MDFIC2: variants seen among roughly 807,000 people sequenced by gnomAD.
MDFIC2 encodes the protein myoD family inhibitor domain-containing protein 2.
rs554193263 is a variant in MDFIC2 at position 70,261,525 on chromosome 3, G to A, written c.88+50361C>T. ...GATTAATAATTACATTTCAATTTCC[G>A]TGGTAATGACTCACTTCCATATCAT... On this transcript the variant is annotated intron_variant, in intron 2 of 3. Coordinates refer to ENST00000567252, the MANE Select transcript of MDFIC2 (RefSeq NM_001364677.1). Among the ~76,000 whole-genome samples, 15 of 152,050 alleles carry A rather than the reference G, an allele frequency of 9.9e-5. No homozygotes were observed. The East Asian group carries it at 1.5e-3, about 16-fold the overall frequency.
intron 2 of MDFIC2, among the ~76,000 whole-genome samples, chr3:70,248,801 T>C (rs1285896089): frequency 6.6e-6 from 1 of 152,066 alleles, no homozygotes. Flanking sequence ...CAAGATAGTA[T>C]TGAGTAGGCT....
At chr3:70,257,820 C>G (rs1701830875) in intron 2 of MDFIC2, among the ~76,000 whole-genome samples, 1 of 152,096 alleles carries the variant, frequency 6.6e-6, no homozygotes, top group Admixed American at 6.5e-5. Flanking sequence ...CTAGGTAAGC[C>G]TTAACCATTT....
chr3:70,246,670 C>T (rs528751816), intron 2 of MDFIC2, among the ~76,000 whole-genome samples: 48 of 152,046 alleles, frequency 3.2e-4, no homozygotes, highest in Admixed American at 3.0e-3. Flanking sequence ...TATAGCAATA[C>T]GTGGGACACA....
intron 2 of MDFIC2, among the ~76,000 whole-genome samples, chr3:70,226,737 TAAAA>T (rs369777217): frequency 8.2e-6 from 1 of 121,420 alleles, no homozygotes; most frequent in African/African-American, 3.1e-5. Flanking sequence ...GACTCTGTCT[TAAAA>T]AAAAAAAAAA....
intron 2 of MDFIC2, among the ~76,000 whole-genome samples, chr3:70,267,246 C>A (rs1701924211): frequency 6.6e-6 from 1 of 151,984 alleles, no homozygotes; most frequent in Non-Finnish European, 1.5e-5. Context: ...GGGCAGAATG[C>A]AAAACAAGAA....
chr3:70,221,891 G>A (rs1044722652), intron 2 of MDFIC2, among the ~76,000 whole-genome samples: 18 of 152,158 alleles, frequency 1.2e-4, no homozygotes, highest in African/African-American at 4.3e-4. Context: ...ACCGCAATTT[G>A]TGCCAACCCA....
At chr3:70,288,061 A>T (rs2106689278) in intron 2 of MDFIC2, among the ~76,000 whole-genome samples, 1 of 148,860 alleles carries the variant, frequency 6.7e-6, no homozygotes, top group East Asian at 2.0e-4. Context: ...TATTTCCTTC[A>T]GTTCTGCTCT....
intron 2 of MDFIC2, among the ~76,000 whole-genome samples, chr3:70,257,702 G>A (rs549482837): frequency 1.1e-3 from 160 of 152,206 alleles, no homozygotes; most frequent in African/African-American, 3.5e-3. Context: ...TTCATGCATC[G>A]GAAGACTCAA....
intron 2 of MDFIC2, among the ~76,000 whole-genome samples, chr3:70,209,723 C>G (rs1024341960): frequency 1.3e-5 from 2 of 152,076 alleles, no homozygotes; most frequent in Non-Finnish European, 2.9e-5. Context: ...GCTTTTATCT[C>G]TCCTTCCTAA....
intron 2 of MDFIC2, among the ~76,000 whole-genome samples, chr3:70,266,942 T>C (rs192382227): frequency 6.6e-6 from 1 of 152,296 alleles, no homozygotes; most frequent in Non-Finnish European, 1.5e-5. Context: ...TTATTGGAAA[T>C]TTGTTGGCTG....
chr3:70,310,233 A>G (rs1304954252), intron 2 of MDFIC2, among the ~76,000 whole-genome samples: 6 of 152,136 alleles, frequency 3.9e-5, no homozygotes, highest in African/African-American at 1.4e-4. Flanking sequence ...GTCTGCATCA[A>G]CTTTAGTCCT....
At chr3:70,304,039 A>G (rs1307404090) in intron 2 of MDFIC2, among the ~76,000 whole-genome samples, 2 of 152,146 alleles carry the variant, frequency 1.3e-5, no homozygotes, top group African/African-American at 4.8e-5. Flanking sequence ...AATATAAACT[A>G]TATCTTTAGT....
At chr3:70,228,422 G>C (rs548526756) in intron 2 of MDFIC2, among the ~76,000 whole-genome samples, 1 of 151,364 alleles carries the variant, frequency 6.6e-6, no homozygotes, top group African/African-American at 2.4e-5. Context: ...ACGTTAGGCT[G>C]CCAAAAAAAA....
At chr3:70,277,992 T>A (rs1316404181) in intron 2 of MDFIC2, among the ~76,000 whole-genome samples, 1 of 152,106 alleles carries the variant, frequency 6.6e-6, no homozygotes, top group African/African-American at 2.4e-5. Context: ...GCGCAAATCT[T>A]AAGTATATAC....
Position 70,274,096 on chromosome 3 carries a change from C to CGT in MDFIC2, c.88+37789_88+37790insAC, listed in dbSNP as rs1559551134. Among the ~76,000 whole-genome samples the CGT allele has an allele frequency of 1.9e-4, 29 of 149,284 alleles. No individual in the cohort carries two copies. In the East Asian group the frequency reaches 3.2e-3, roughly 16 times the overall value. On this transcript the variant is annotated intron_variant, in intron 2 of 3. Coordinates refer to ENST00000567252, the MANE Select transcript of MDFIC2 (RefSeq NM_001364677.1). ...GTGTGTGTGTGTGTGTGTGTGCGCG[C>CGT]GCGCATGTGTGTGTGTGAGACTGGG...
At chr3:70,258,020 A>G (rs1366470920) in intron 2 of MDFIC2, among the ~76,000 whole-genome samples, 1 of 152,226 alleles carries the variant, frequency 6.6e-6, no homozygotes, top group East Asian at 1.9e-4. Context: ...AAGGTAATTA[A>G]ATGGGGGAAA....
intron 2 of MDFIC2, among the ~76,000 whole-genome samples, chr3:70,276,372 T>C (rs1203320577): frequency 6.6e-6 from 1 of 152,202 alleles, no homozygotes; most frequent in African/African-American, 2.4e-5. Flanking sequence ...TCTGGAAATG[T>C]ATGTTAATTC....
intron 2 of MDFIC2, among the ~76,000 whole-genome samples, chr3:70,296,220 A>G (rs375519115): frequency 8.5e-5 from 13 of 152,288 alleles, no homozygotes; most frequent in African/African-American, 3.1e-4. Flanking sequence ...TCCTTTTTCC[A>G]TGAGCCCCCA....
chr3:70,298,582 A>T (rs1018494782), intron 2 of MDFIC2, among the ~76,000 whole-genome samples: 3 of 152,146 alleles, frequency 2.0e-5, no homozygotes, highest in African/African-American at 7.2e-5. Context: ...ATCTAATTTC[A>T]TAACTAAGTC....
Sources: allele counts gnomAD v4.1 joint callset (sites outside exome capture counted in the v4.1 genomes callset), GRCh38; gene constraint gnomAD v4.1.1; transcripts MANE v1.5; gene names NCBI Gene and HGNC (gene_info 2026-07-23, HGNC 2026-07-21).